The following ADAMTS12 variants were observed in gnomAD, a reference collection of about 807,000 sequenced individuals.
ADAMTS12 encodes the protein A disintegrin and metalloproteinase with thrombospondin motifs 12.
Under a neutral mutation model 167.8 loss-of-function variants are expected in ADAMTS12, and 118 were observed. That is an observed-to-expected ratio of 0.70 (90% CI 0.61 to 0.82). The LOEUF (loss-of-function observed/expected upper bound fraction) is 0.82. ADAMTS12 is among the 40% of genes least tolerant of loss of function. ADAMTS12 has a pLI of 0.00. For missense variants in ADAMTS12, 1,916 were observed against 1,998.8 expected (o/e 0.96, Z 0.79); for synonymous variants, 704 against 716.9 (o/e 0.98, Z 0.29).
intron 3 of ADAMTS12, among the ~76,000 whole-genome samples, chr5:33,748,626 C>T (rs975363208): frequency 1.3e-5 from 2 of 152,160 alleles, no homozygotes; most frequent in Non-Finnish European, 2.9e-5. Context: ...TTTTAAATTA[C>T]ATCTTTCTTC....
chr5:33,571,800 A>G (rs1337945850), intron 19 of ADAMTS12, among the ~76,000 whole-genome samples: 2 of 151,304 alleles, frequency 1.3e-5, no homozygotes, highest in Non-Finnish European at 3.0e-5. Context: ...AAAATTAATG[A>G]ATCCAGGAGC....
chr5:33,604,333 A>T (rs184367948), intron 16 of ADAMTS12, among the ~76,000 whole-genome samples: 1,547 of 152,066 alleles, frequency 0.01, 8 homozygotes, highest in Non-Finnish European at 0.019. Context: ...GAAACCCCGT[A>T]TCTACTAAAA....
chr5:33,824,565 T>C (rs1447772281), intron 2 of ADAMTS12, among the ~76,000 whole-genome samples: 2 of 152,196 alleles, frequency 1.3e-5, no homozygotes, highest in Non-Finnish European at 2.9e-5. Context: ...ACTGTCTTCA[T>C]CCAGACCAGG....
chr5:33,553,696 C>A (rs1745361258), intron 20 of ADAMTS12, among the ~76,000 whole-genome samples: 1 of 152,142 alleles, frequency 6.6e-6, no homozygotes, highest in African/African-American at 2.4e-5. Flanking sequence ...GGGAACACCA[C>A]ACACTGGGGC....
At chr5:33,811,092 G>A (rs1020788834) in intron 2 of ADAMTS12, among the ~76,000 whole-genome samples, 2 of 152,132 alleles carry the variant, frequency 1.3e-5, no homozygotes, top group Admixed American at 6.5e-5. Context: ...TGGACTCTAC[G>A]CACTAGTTTC....
At chr5:33,842,649 G>A (rs1748786682) in intron 2 of ADAMTS12, among the ~76,000 whole-genome samples, 1 of 152,218 alleles carries the variant, frequency 6.6e-6, no homozygotes, top group South Asian at 2.1e-4. Flanking sequence ...TGGAAAAACA[G>A]AGGAAAGTGG....
intron 10 of ADAMTS12, among the ~76,000 whole-genome samples, chr5:33,642,218 C>A (rs189206447): frequency 1.3e-5 from 2 of 152,252 alleles, no homozygotes; most frequent in East Asian, 3.9e-4. Context: ...AGATCGAGCA[C>A]GAGAATGTAA....
At chr5:33,786,058 T>C (rs1368757370) in intron 2 of ADAMTS12, among the ~76,000 whole-genome samples, 2 of 152,214 alleles carry the variant, frequency 1.3e-5, no homozygotes, top group Admixed American at 6.5e-5. Flanking sequence ...AGAAACCAGA[T>C]ACAAAAGACT....
chr5:33,682,937 G>T, intron 5 of ADAMTS12, 81 bp downstream of exon 5: 2 of 1,143,962 alleles, frequency 1.7e-6, no homozygotes, highest in South Asian at 1.5e-5. Context: ...CCTCTTTCTT[G>T]TCTACCAAGA....
chr5:33,629,503 G>A (rs1416463858), intron 13 of ADAMTS12, among the ~76,000 whole-genome samples: 1 of 152,172 alleles, frequency 6.6e-6, no homozygotes, highest in Non-Finnish European at 1.5e-5. Context: ...AGCAACTAAT[G>A]TTAAGAAAAA....
Position 33,856,610 on chromosome 5 carries a change from CA to C in ADAMTS12, c.489+24508del, listed in dbSNP as rs113323469. 4.4e-3 allele frequency among the ~76,000 whole-genome samples: 583 copies of C among 133,346 alleles called. 6 individuals carry two copies. Among genetic ancestry groups the C allele is most frequent in the African/African-American group, 0.014 (517 of 37,026 alleles). 87.5% of individuals were successfully genotyped at this position (133,346 alleles called of 152,430 possible). On this transcript the variant is annotated intron_variant, in intron 2 of 23. Coordinates refer to ENST00000504830, the MANE Select transcript of ADAMTS12 (RefSeq NM_030955.4). ...CATCTCTAAATTTTAAAGGATTTCT[CA>C]AAAAAAAAAAGCATACAAGTAGCAA... is the stretch of plus-strand genomic sequence containing the variant.
chr5:33,638,229 T>C (rs1482038353), intron 11 of ADAMTS12, among the ~76,000 whole-genome samples: 2 of 152,222 alleles, frequency 1.3e-5, no homozygotes, highest in Non-Finnish European at 2.9e-5. Context: ...ACTTTTAAAA[T>C]TCTTATCTCC....
At chr5:33,806,413 G>A (rs1355799694) in intron 2 of ADAMTS12, among the ~76,000 whole-genome samples, 1 of 152,210 alleles carries the variant, frequency 6.6e-6, no homozygotes, top group East Asian at 1.9e-4. Context: ...TTCAATACCA[G>A]TCTGTGGAAT....
intron 6 of ADAMTS12, 114 bp downstream of exon 6, chr5:33,661,802 A>T: frequency 7.0e-7 from 1 of 1,438,240 alleles, no homozygotes; most frequent in East Asian, 2.3e-5. Flanking sequence ...CACTGTCTTT[A>T]CAAGAGCAGC....
Position 33,614,222 on chromosome 5 carries a change from A to C in ADAMTS12, c.2527+16T>G. 1 of 1,612,164 alleles carries C rather than the reference A, an allele frequency of 6.2e-7. No individual in the cohort carries two copies. The highest frequency in any genetic ancestry group is 1.1e-5 in the South Asian group (1 of 90,882). On this transcript the variant is annotated intron_variant, in intron 16 of 23. Transcript: ENST00000504830. ...GAGGCTGGCATGGCTTCATAGTGAG[A>C]GCAGCTGTTTCTCACCTGTCCCGCA...
rs1218604378 is a variant in ADAMTS12 at position 33,875,785 on chromosome 5, T to C, written c.489+5334A>G. ...TGTTGCTCTCCCCATTCTTATTCAA[T>C]ATAGTGCTCAAAATTCTAGCCAAAG... On this transcript the variant is annotated intron_variant, in intron 2 of 23. Transcript: ENST00000504830. Among the ~76,000 whole-genome samples, 5 of 152,276 alleles carry C rather than the reference T, an allele frequency of 3.3e-5. No homozygotes were observed. In the East Asian group the frequency reaches 9.6e-4, roughly 29 times the overall value.
At chr5:33,793,537 T>C (rs905428528) in intron 2 of ADAMTS12, among the ~76,000 whole-genome samples, 1 of 152,258 alleles carries the variant, frequency 6.6e-6, no homozygotes, top group Non-Finnish European at 1.5e-5. Context: ...GAAAGTTATC[T>C]AGTCACATTT....
At chr5:33,634,335 T>A (rs1185113661) in intron 12 of ADAMTS12, among the ~76,000 whole-genome samples, 1 of 152,138 alleles carries the variant, frequency 6.6e-6, no homozygotes, top group African/African-American at 2.4e-5. Context: ...GTCTTGCAAT[T>A]CTTAAACATT....
chr5:33,636,454 T>C (rs999945061), intron 12 of ADAMTS12, among the ~76,000 whole-genome samples: 1 of 152,158 alleles, frequency 6.6e-6, no homozygotes, highest in East Asian at 1.9e-4. Context: ...AATAACCAAA[T>C]GGTTTTCCCC....
Sources: gnomAD v4.1 joint callset for allele counts (sites outside exome capture counted in the v4.1 genomes callset) on GRCh38, gnomAD v4.1.1 for gene constraint, MANE v1.5 for transcripts, NCBI Gene and HGNC (gene_info 2026-07-23, HGNC 2026-07-21) for gene names.